The following CYYR1 variants were observed in gnomAD, a reference collection of about 807,000 sequenced individuals.
CYYR1 encodes the protein cysteine and tyrosine rich 1.
In CYYR1, 14 loss-of-function variants were observed where a neutral mutation model predicts 15.2. The ratio of observed to expected loss-of-function variants is 0.92; its 90% CI spans 0.61 to 1.44. The LOEUF (loss-of-function observed/expected upper bound fraction) is 1.44. Ranked by LOEUF, CYYR1 falls within the 40% of genes most tolerant of loss-of-function variation. The pLI, the probability that CYYR1 is intolerant of heterozygous loss-of-function variation, is 0.00. For missense variants in CYYR1, 228 were observed against 209.5 expected (o/e 1.09, Z -0.54); for synonymous variants, 80 against 77.4 (o/e 1.03, Z -0.18).
At chr21:26,481,730 T>G (rs976338739) in intron 2 of CYYR1, among the ~76,000 whole-genome samples, 3 of 152,070 alleles carry the variant, frequency 2.0e-5, no homozygotes, top group African/African-American at 7.2e-5. Context: ...TTCATTTTCC[T>G]CTGGGAATGA....
chr21:26,557,115 C>G (rs1278560231), intron 2 of CYYR1, among the ~76,000 whole-genome samples: 1 of 152,118 alleles, frequency 6.6e-6, no homozygotes, highest in Non-Finnish European at 1.5e-5. Flanking sequence ...TCTGAACAGA[C>G]AGGAATAATA....
chr21:26,569,861 A>G (rs1980900330), intron 1 of CYYR1, among the ~76,000 whole-genome samples: 1 of 152,216 alleles, frequency 6.6e-6, no homozygotes, highest in Non-Finnish European at 1.5e-5. Flanking sequence ...AACCAAGCCC[A>G]AAATGTTGTA....
intron 2 of CYYR1, among the ~76,000 whole-genome samples, chr21:26,522,534 C>T (rs2065815081): frequency 6.6e-6 from 1 of 152,090 alleles, no homozygotes; most frequent in Non-Finnish European, 1.5e-5. Flanking sequence ...GGACTTTTTG[C>T]TTTCACATCT....
chr21:26,561,942 C>A (rs1980232642), intron 2 of CYYR1, among the ~76,000 whole-genome samples: 2 of 152,136 alleles, frequency 1.3e-5, no homozygotes, highest in South Asian at 4.1e-4. Flanking sequence ...TTAAATTCTA[C>A]CAACTCCGAA....
chr21:26,559,004 A>C (rs1260154908), intron 2 of CYYR1, among the ~76,000 whole-genome samples: 1 of 152,108 alleles, frequency 6.6e-6, no homozygotes, highest in Non-Finnish European at 1.5e-5. Context: ...GTTACTGCTA[A>C]ATCCTAAAGT....
intron 2 of CYYR1, among the ~76,000 whole-genome samples, chr21:26,480,706 G>GTT (rs2065168717): frequency 6.6e-6 from 1 of 151,868 alleles, no homozygotes; most frequent in Admixed American, 6.6e-5. Context: ...TAAAATTCAT[G>GTT]TTTTGATACA....
chr21:26,538,021 T>G (rs1038986969), intron 2 of CYYR1, among the ~76,000 whole-genome samples: 1 of 152,192 alleles, frequency 6.6e-6, no homozygotes, highest in African/African-American at 2.4e-5. Flanking sequence ...TGTTTTATGA[T>G]AGCAGCCTGA....
intron 2 of CYYR1, among the ~76,000 whole-genome samples, chr21:26,525,077 T>C (rs2065847457): frequency 1.3e-5 from 2 of 152,188 alleles, no homozygotes; most frequent in Non-Finnish European, 2.9e-5. Context: ...TTCCAATTCA[T>C]TAAATCTCTC....
intron 2 of CYYR1, among the ~76,000 whole-genome samples, chr21:26,520,815 T>C (rs1192719086): frequency 6.6e-6 from 1 of 152,224 alleles, no homozygotes; most frequent in Non-Finnish European, 1.5e-5. Flanking sequence ...TTGATTTCTG[T>C]TTCTCTGATG....
intron 2 of CYYR1, among the ~76,000 whole-genome samples, chr21:26,516,385 G>A (rs1454363163): frequency 6.6e-5 from 10 of 152,194 alleles, no homozygotes; most frequent in African/African-American, 9.7e-5. Flanking sequence ...GATGACCAAT[G>A]GCTGCTAAAT....
chr21:26,530,279 T>C (rs879432043), intron 2 of CYYR1, among the ~76,000 whole-genome samples: 20 of 152,010 alleles, frequency 1.3e-4, no homozygotes, highest in Non-Finnish European at 2.4e-4. Flanking sequence ...CTTTTTAATT[T>C]TGAAGTAATC....
intron 2 of CYYR1, among the ~76,000 whole-genome samples, chr21:26,548,136 G>A (rs1020852680): frequency 6.6e-6 from 1 of 152,008 alleles, no homozygotes; most frequent in Non-Finnish European, 1.5e-5. Flanking sequence ...CAATCACTTC[G>A]ATCAAACACA....
chr21:26,493,877 C>T (rs2065360603), intron 2 of CYYR1, among the ~76,000 whole-genome samples: 1 of 152,186 alleles, frequency 6.6e-6, no homozygotes, highest in Non-Finnish European at 1.5e-5. Flanking sequence ...TTTAATACTG[C>T]ATTACATAAA....
At chr21:26,523,231 T>C (rs1212289368) in intron 2 of CYYR1, among the ~76,000 whole-genome samples, 2 of 152,168 alleles carry the variant, frequency 1.3e-5, no homozygotes, top group Non-Finnish European at 1.5e-5. Context: ...CTGTCAGCAA[T>C]TACTATTGAT....
At chr21:26,527,047 C>G (rs574145682) in intron 2 of CYYR1, among the ~76,000 whole-genome samples, 18 of 152,130 alleles carry the variant, frequency 1.2e-4, no homozygotes, top group Non-Finnish European at 2.2e-4. Context: ...GGATCTGGGC[C>G]TTTTTTTCTT....
chr21:26,510,074 G>A (rs568482864), intron 2 of CYYR1, among the ~76,000 whole-genome samples: 49 of 152,230 alleles, frequency 3.2e-4, no homozygotes, highest in African/African-American at 1.1e-3. Flanking sequence ...TTAGGTATCC[G>A]CTCTGGAACT....
At chr21:26,539,098 G>A (rs11701731) in intron 2 of CYYR1, among the ~76,000 whole-genome samples, 4 of 151,924 alleles carry the variant, frequency 2.6e-5, no homozygotes, top group African/African-American at 9.7e-5. Context: ...TACTACGACG[G>A]TTTGTTGCCT....
chr21:26,535,544 G>T (rs975548192), intron 2 of CYYR1, among the ~76,000 whole-genome samples: 3 of 152,190 alleles, frequency 2.0e-5, no homozygotes, highest in African/African-American at 7.2e-5. Flanking sequence ...AGCAAGGAAG[G>T]CTTGTGAAAT....
Position 26,504,562 on chromosome 21 carries a change from A to C in CYYR1, c.177-24133T>G, listed in dbSNP as rs554368055. On this transcript the variant is annotated intron_variant, in intron 2 of 3. Transcript: ENST00000652641. ...GTAGGTGTATATATTTATGGAGTAC[A>C]TGAGGTGTTTTGATACACGCATGCA... 3.9e-5 allele frequency among the ~76,000 whole-genome samples: 6 copies of C among 152,340 alleles called. No individual in the cohort carries two copies. In the South Asian group the frequency reaches 1.0e-3, roughly 26 times the overall value.
Sources: gnomAD v4.1 joint callset for allele counts (sites outside exome capture counted in the v4.1 genomes callset) on GRCh38, gnomAD v4.1.1 for gene constraint, MANE v1.5 for transcripts, NCBI Gene and HGNC (gene_info 2026-07-23, HGNC 2026-07-21) for gene names.